The following FGD4 variants were observed in gnomAD, a reference collection of about 807,000 sequenced individuals.
FGD4 encodes FYVE, RhoGEF and PH domain containing 4, also known as FYVE, RhoGEF and PH domain-containing protein 4.
In FGD4, 42 loss-of-function variants were observed where a neutral mutation model predicts 102.0. The ratio of observed to expected loss-of-function variants is 0.41; its 90% CI spans 0.32 to 0.53. The LOEUF is 0.53. FGD4 is among the 20% of genes least tolerant of loss of function. The pLI, the probability that FGD4 is intolerant of heterozygous loss-of-function variation, is 0.21. For synonymous variants in FGD4, 380 were observed against 375.7 expected (o/e 1.01, Z -0.13); for missense variants, 902 against 1,078.2 (o/e 0.84, Z 2.29).
chr12:32,420,399 C>T (rs1290087298), intron 1 of FGD4, among the ~76,000 whole-genome samples: 1 of 152,160 alleles, frequency 6.6e-6, no homozygotes, highest in African/African-American at 2.4e-5. Context: ...TTAGCCCTTG[C>T]CTCCCTAGCC....
intron 1 of FGD4, among the ~76,000 whole-genome samples, chr12:32,490,966 G>C (rs1944066866): frequency 6.6e-6 from 1 of 152,124 alleles, no homozygotes; most frequent in Admixed American, 6.6e-5. Context: ...GATATGTTTT[G>C]TATGTGCGCT....
In FGD4 at chr12:32,416,328, A is replaced by G. The variant is rs540894545; in HGVS notation, c.166+16369A>G. Among the ~76,000 whole-genome samples the G allele has an allele frequency of 5.3e-5, 8 of 152,268 alleles. No individual in the cohort carries two copies. The South Asian group carries it at 1.5e-3, about 28-fold the overall frequency. On this transcript the variant is annotated intron_variant, in intron 1 of 16. Transcript: ENST00000534526. ...TGTATGTCTTTTGATTAGAGAGTTT[A>G]GTTGATTTACAATCAGTGTTATTAT...
chr12:32,473,809 C>T (rs903555718), intron 1 of FGD4, among the ~76,000 whole-genome samples: 26 of 151,938 alleles, frequency 1.7e-4, no homozygotes, highest in Admixed American at 9.2e-4. Context: ...AGCTGTGGAC[C>T]GGGCGCGGTG....
intron 1 of FGD4, among the ~76,000 whole-genome samples, chr12:32,442,683 C>T (rs764512346): frequency 3.3e-5 from 5 of 151,656 alleles, no homozygotes; most frequent in Admixed American, 2.6e-4. Flanking sequence ...CTCAGCCTCC[C>T]GAGTAGCTGG....
At chr12:32,538,445 C>G (rs1174821170) in intron 1 of FGD4, among the ~76,000 whole-genome samples, 1 of 152,152 alleles carries the variant, frequency 6.6e-6, no homozygotes, top group African/African-American at 2.4e-5. Context: ...CTTCAGTTCT[C>G]TTTTAAGAAT....
chr12:32,618,535 TAAA>T lies in FGD4; in HGVS notation c.1750-1155_1750-1153del, dbSNP rs913525684. On this transcript the variant is annotated intron_variant, in intron 10 of 16. Coordinates refer to ENST00000534526, the MANE Select transcript of FGD4 (RefSeq NM_001370298.3). ...AAGCTTAACATTAAACAGTCTGGTT[TAAA>T]AAAAAAATTGCTGACCAGATGCTAT... 2.7e-5 allele frequency among the ~76,000 whole-genome samples: 4 copies of T among 150,890 alleles called. No homozygotes were observed. The East Asian group carries it at 7.7e-4, about 29-fold the overall frequency.
chr12:32,419,422 C>T (rs567057471), intron 1 of FGD4, among the ~76,000 whole-genome samples: 1 of 152,308 alleles, frequency 6.6e-6, no homozygotes, highest in East Asian at 1.9e-4. Context: ...GCCAGGTTTC[C>T]TCTGTGACAG....
intron 4 of FGD4, 76 bp from the exon 5 acceptor site, chr12:32,598,421 T>C: frequency 9.7e-7 from 1 of 1,026,146 alleles, no homozygotes. Flanking sequence ...TCAAATCATT[T>C]GAAGAAGCGT....
chr12:32,405,261 G>GTTT (rs11396808), intron 1 of FGD4, among the ~76,000 whole-genome samples: 9,232 of 108,670 alleles, frequency 0.085, 1,599 homozygotes, highest in African/African-American at 0.32. Context: ...GCAGTCAGTG[G>GTTT]TTTTTTTTTT....
chr12:32,628,384 G>T (rs1950299176), intron 14 of FGD4, among the ~76,000 whole-genome samples: 1 of 151,598 alleles, frequency 6.6e-6, no homozygotes, highest in Non-Finnish European at 1.5e-5. Context: ...AAAAAAAAAA[G>T]CCTCCACTAG....
chr12:32,635,469 G>A (rs1950748741), intron 15 of FGD4, among the ~76,000 whole-genome samples: 1 of 152,124 alleles, frequency 6.6e-6, no homozygotes, highest in South Asian at 2.1e-4. Flanking sequence ...CCATACATAG[G>A]AGACAAGTAT....
intron 1 of FGD4, among the ~76,000 whole-genome samples, chr12:32,458,568 C>T (rs2060250048): frequency 6.6e-6 from 1 of 152,046 alleles, no homozygotes; most frequent in Non-Finnish European, 1.5e-5. Flanking sequence ...GCTGGTAAAT[C>T]AATATTTTAT....
At chr12:32,487,413 T>C (rs1315999178) in intron 1 of FGD4, among the ~76,000 whole-genome samples, 1 of 136,298 alleles carries the variant, frequency 7.3e-6, no homozygotes, top group Admixed American at 7.7e-5. Flanking sequence ...AAATTTATAT[T>C]GTTATTATTT....
chr12:32,638,560 A>G, intron 15 of FGD4, 95 bp from the exon 16 acceptor site: 1 of 1,510,554 alleles, frequency 6.6e-7, no homozygotes, highest in Non-Finnish European at 9.1e-7. Context: ...TGGATAGTCC[A>G]GGGAAACATT....
At chr12:32,579,263 C>T (rs551920909) in intron 3 of FGD4, among the ~76,000 whole-genome samples, 80 of 152,062 alleles carry the variant, frequency 5.3e-4, no homozygotes, top group Admixed American at 1.4e-3. Flanking sequence ...AGGCTGGGCT[C>T]GAACTCCTGA....
At chr12:32,559,505 T>C (rs1023153972) in intron 1 of FGD4, among the ~76,000 whole-genome samples, 19 of 152,260 alleles carry the variant, frequency 1.2e-4, no homozygotes, top group African/African-American at 4.6e-4. Context: ...TGCTTTGTGA[T>C]AGTGGCTGAA....
rs60006767 is a variant in FGD4, at chr12:32,453,237, ATT to A, written c.166+53290_166+53291del. On this transcript the variant is annotated intron_variant, in intron 1 of 16. Coordinates refer to ENST00000534526, the MANE Select transcript of FGD4 (RefSeq NM_001370298.3). ...ATATATATAATATAGATATATATAT[ATT>A]TTTTTTTTTTTAAATGTAGAGCCTC... 5.5e-5 allele frequency among the ~76,000 whole-genome samples: 5 copies of A among 90,528 alleles called. No homozygotes were observed. The East Asian group carries it at 1.2e-3, about 21-fold the overall frequency. 59.4% of individuals were successfully genotyped at this position (90,528 alleles called of 152,430 possible).
intron 16 of FGD4, 40 bp from the exon 17 acceptor site, chr12:32,640,236 A>G: frequency 1.2e-6 from 2 of 1,614,098 alleles, no homozygotes; most frequent in Non-Finnish European, 1.7e-6. Context: ...TAACAAGCGA[A>G]TACATCACCT....
At chr12:32,527,185 T>A (rs1592116205) in intron 1 of FGD4, among the ~76,000 whole-genome samples, 2 of 152,292 alleles carry the variant, frequency 1.3e-5, no homozygotes, top group South Asian at 4.1e-4. Flanking sequence ...GATGCTCTTT[T>A]AAAAAATAAT....
Sources: gnomAD v4.1 joint callset for allele counts (sites outside exome capture counted in the v4.1 genomes callset) on GRCh38, gnomAD v4.1.1 for gene constraint, MANE v1.5 for transcripts, NCBI Gene and HGNC (gene_info 2026-07-23, HGNC 2026-07-21) for gene names.